TBCB: variants seen among roughly 807,000 people sequenced by gnomAD.
The protein encoded by TBCB is tubulin folding cofactor B, also known as tubulin-folding cofactor B.
TBCB carries 18 observed loss-of-function variants against 29.2 expected under a neutral mutation model. The ratio of observed to expected loss-of-function variants is 0.62; its 90% confidence interval spans 0.43 to 0.91. The LOEUF is 0.91. TBCB is among the 40% of genes least tolerant of loss of function. The pLI is 0.00. For synonymous variants in TBCB, 172 were observed against 137.8 expected (o/e 1.25, Z -1.74); for missense variants, 336 against 337.6 (o/e 1.00, Z 0.04).
chr19:36,123,407 C>CTCA (rs1974089695), intron 4 of TBCB, among the ~76,000 whole-genome samples: 1 of 152,090 alleles, frequency 6.6e-6, no homozygotes, highest in Non-Finnish European at 1.5e-5. Flanking sequence ...AATACAGGTA[C>CTCA]TCATCACCAC....
At chr19:36,118,929 G>A (rs1181930706) in intron 2 of TBCB, among the ~76,000 whole-genome samples, 1 of 152,196 alleles carries the variant, frequency 6.6e-6, no homozygotes, top group African/African-American at 2.4e-5. Flanking sequence ...GGAAGGGGCT[G>A]CTGTGAGAGT....
chr19:36,124,670 A>AGCCT (rs1275813681), intron 4 of TBCB, among the ~76,000 whole-genome samples: 1 of 152,102 alleles, frequency 6.6e-6, no homozygotes, highest in African/African-American at 2.4e-5. Context: ...CAGCCTCCCG[A>AGCCT]GTAGCTGGAA....
upstream of TBCB, chr19:36,115,089 G>A (rs979464208): frequency 6.7e-6 from 4 of 596,708 alleles, no homozygotes; most frequent in Non-Finnish European, 1.2e-5. Flanking sequence ...CGCCGCCTCA[G>A]TTTACAGAAT....
At position 36,125,538 on chromosome 19, in the gene TBCB, C is replaced by T. The variant is rs1359712952; in HGVS notation, c.620+15C>T. 2 of 1,614,014 alleles carry T rather than the reference C, an allele frequency of 1.2e-6. No individual in the cohort carries two copies. The highest frequency in any genetic ancestry group is 1.3e-5 in the African/African-American group (1 of 74,934). On this transcript the variant is annotated intron_variant, in intron 5 of 5. Coordinates refer to ENST00000221855, the MANE Select transcript of TBCB (RefSeq NM_001281.3). ...AATGATGGCAGGTAACAAGAATTCCCACTCAGGTGTCTGTGTGTGCATTTG... is the reference window on the plus strand; with the variant it reads ...AATGATGGCAGGTAACAAGAATTCCTACTCAGGTGTCTGTGTGTGCATTTG...
intron 4 of TBCB, among the ~76,000 whole-genome samples, chr19:36,124,636 C>T (rs189261942): frequency 1.3e-5 from 2 of 152,236 alleles, no homozygotes; most frequent in Non-Finnish European, 2.9e-5. Context: ...CTCCGCCTCC[C>T]GGGTTCAAAC....
intron 4 of TBCB, 93 bp downstream of exon 4, chr19:36,121,811 G>A: frequency 6.8e-7 from 1 of 1,480,742 alleles, no homozygotes; most frequent in Non-Finnish European, 9.2e-7. Context: ...ACCACGCTCT[G>A]CCTAGGGGCG....
intron 2 of TBCB, chr19:36,118,654 T>C (rs889349064): frequency 2.0e-5 from 3 of 150,040 alleles, no homozygotes; most frequent in African/African-American, 7.4e-5. Context: ...CACTCCAGTT[T>C]GGATGATAGA....
intron 1 of TBCB, 98 bp from the exon 2 acceptor site, chr19:36,115,941 TGG>T: frequency 6.7e-7 from 1 of 1,489,902 alleles, no homozygotes; most frequent in Non-Finnish European, 9.0e-7. Context: ...GCGTCCTGAC[TGG>T]GGGGTCTTTT....
chr19:36,120,448 G>A (rs992215797), intron 2 of TBCB: 5 of 488,316 alleles, frequency 1.0e-5, no homozygotes, highest in African/African-American at 1.9e-5. Context: ...TGGGGCCCTT[G>A]GCGATGTTGA....
chr19:36,123,051 CTG>C (rs1187466705), intron 4 of TBCB, among the ~76,000 whole-genome samples: 2 of 152,118 alleles, frequency 1.3e-5, no homozygotes, highest in Admixed American at 1.3e-4. Flanking sequence ...ATCATGCAGT[CTG>C]TGGCCTTTTG....
At chr19:36,123,254 C>CTTTTT (rs201890657) in intron 4 of TBCB, among the ~76,000 whole-genome samples, 2 of 131,446 alleles carry the variant, frequency 1.5e-5, no homozygotes, top group African/African-American at 2.9e-5. Context: ...GAACCTTCTT[C>CTTTTT]TTTTTTTTTT....
upstream of TBCB, chr19:36,115,287 C>A: frequency 1.8e-6 from 1 of 549,478 alleles, no homozygotes; most frequent in Non-Finnish European, 3.2e-6. Flanking sequence ...GCCGCCTGTT[C>A]TGGTCCTTTC....
rs146159771 is a variant in TBCB at position 36,125,731 on chromosome 19, C to G, written c.684C>G (p.Val228=). The G allele has an allele frequency of 8.9e-6, 14 of 1,576,192 alleles. No individual in the cohort carries two copies. In the African/African-American group the frequency reaches 1.6e-4, roughly 18 times the overall value. The change falls in exon 6 of 6, where the codon GTC becomes GTG. Residue 228 remains valine, a synonymous_variant. Transcript: ENST00000221855. ...AKYGAFVKPA[V]VTVGDFPEED... ...ATGGCGCCTTTGTCAAGCCAGCAGT[C>G]GTGACGGTGGGGGACTTCCCGGAGG...
At chr19:36,115,449 G>A (rs985523629), upstream of TBCB, 20 of 791,430 alleles carry the variant, frequency 2.5e-5, no homozygotes, top group African/African-American at 3.1e-4. Context: ...GATTGGTCAG[G>A]CACGGAGCAG....
rs749093161 is a variant in TBCB at position 36,115,521 on chromosome 19, C to A, written c.-40C>A. Reference sequence around the variant, plus strand: ...CGGCGGCTGCGGAGCGGGTGTGAGGCGGCTGGACCGCGCTGCAGGCATCCG... The same window carrying A: ...CGGCGGCTGCGGAGCGGGTGTGAGGAGGCTGGACCGCGCTGCAGGCATCCG... On this transcript the variant is annotated 5_prime_UTR_variant, in exon 1 of 6. Coordinates refer to ENST00000221855, the MANE Select transcript of TBCB (RefSeq NM_001281.3). 7 of 1,496,464 alleles carry A rather than the reference C, an allele frequency of 4.7e-6. No homozygotes were observed. The highest frequency in any genetic ancestry group is 6.4e-6 in the Non-Finnish European group (7 of 1,098,088). The allele number at this position is 1,496,464 out of a possible 1,614,324, so 92.7% of individuals were successfully genotyped here.
chr19:36,121,922 G>A (rs1223923618), intron 4 of TBCB: 23 of 694,556 alleles, frequency 3.3e-5, no homozygotes, highest in Non-Finnish European at 5.3e-5. Flanking sequence ...AGTGGGAGGC[G>A]CAGGCGGAGT....
Position 36,120,737 on chromosome 19 carries a change from G to C in TBCB, c.286G>C (p.Gly96Arg). 1 of 1,614,124 alleles carries C rather than the reference G, an allele frequency of 6.2e-7. No homozygotes were observed. Among genetic ancestry groups the C allele is most frequent in the South Asian group, 1.1e-5 (1 of 91,088 alleles). Residue 96 changes from glycine (G) to arginine (R), a missense_variant, in exon 3 of 6, where the codon GGT becomes CGT. Gly to Arg is a moderately radical substitution (Grantham distance 125). Transcript: ENST00000221855. ...HVIDHSGARLGEYEDVSRVEK... is the reference protein window; with the variant it reads ...HVIDHSGARLREYEDVSRVEK... The stretch of plus-strand genomic sequence containing the variant: ...CATTGACCACAGTGGCGCCCGCCTT[G>C]GTGAGTATGAGGACGTGTCCCGGGT...
At chr19:36,115,060 G>T (rs1354091243), upstream of TBCB, 3 of 604,370 alleles carry the variant, frequency 5.0e-6, no homozygotes, top group Non-Finnish European at 8.8e-6. Flanking sequence ...TAGAGTAATT[G>T]CTTCCAATTT....
Position 36,125,514 on chromosome 19 carries a change from A to G in TBCB, c.611A>G (p.Asn204Ser). Residue 204 changes from asparagine (N) to serine (S), a missense_variant, in exon 5 of 6, where the codon AAT becomes AGT. By Grantham distance (46) the Asn-to-Ser change is conservative. Coordinates refer to ENST00000221855, the MANE Select transcript of TBCB (RefSeq NM_001281.3). ...GVRYDEPLGK[N>S]DGSVNGKRYF... is the part of the protein sequence containing the mutation. ...CGCTATGATGAGCCACTGGGGAAAA[A>G]TGATGGCAGGTAACAAGAATTCCCA... 6.2e-7 allele frequency: 1 copy of G among 1,614,210 alleles called. No homozygotes were observed. Among genetic ancestry groups the G allele is most frequent in the South Asian group, 1.1e-5 (1 of 91,084 alleles).
Sources: gnomAD v4.1 joint callset for allele counts (sites outside exome capture counted in the v4.1 genomes callset) on GRCh38, gnomAD v4.1.1 for gene constraint, MANE v1.5 for transcripts, NCBI Gene and HGNC (gene_info 2026-07-23, HGNC 2026-07-21) for gene names.